The following PDE1A variants were observed in gnomAD, a reference collection of about 807,000 sequenced individuals.
PDE1A encodes the protein phosphodiesterase 1A.
In PDE1A, 35 loss-of-function variants were observed where a neutral mutation model predicts 61.7. The ratio of observed to expected loss-of-function variants is 0.57; its 90% CI spans 0.43 to 0.75. The LOEUF (loss-of-function observed/expected upper bound fraction) is 0.75, where lower values mean the gene tolerates loss of function less well. Ranked by LOEUF, PDE1A falls within the 30% of genes least tolerant of loss-of-function variation. The pLI is 0.00. For missense variants in PDE1A, 597 were observed against 630.6 expected (o/e 0.95, Z 0.57); for synonymous variants, 232 against 213.2 (o/e 1.09, Z -0.77).
At chr2:182,333,133 A>C (rs920662060) in intron 1 of PDE1A, among the ~76,000 whole-genome samples, 28 of 152,198 alleles carry the variant, frequency 1.8e-4, no homozygotes, top group Admixed American at 1.2e-3. Flanking sequence ...TAATAGTGGG[A>C]GACTTTAACA....
At chr2:182,384,825 A>G (rs143498673) in intron 1 of PDE1A, among the ~76,000 whole-genome samples, 6 of 152,268 alleles carry the variant, frequency 3.9e-5, no homozygotes, top group Non-Finnish European at 7.4e-5. Context: ...AAGGTCAAAT[A>G]TCTCCAATCA....
rs370132829 is a variant in PDE1A at position 182,393,566 on chromosome 2, G to A, written c.53+33012C>T. The stretch of plus-strand genomic sequence containing the variant: ...AGAAGATGGGTTTTTCTTTCCTATT[G>A]CATCAGACTGCAAATTTTTCAAACT... On this transcript the variant is annotated intron_variant, in intron 1 of 13. Coordinates refer to ENST00000351439, the Ensembl canonical transcript of PDE1A. Among the ~76,000 whole-genome samples the A allele has an allele frequency of 1.2e-4, 18 of 152,184 alleles. No individual in the cohort carries two copies. In the East Asian group the frequency reaches 2.3e-3, roughly 20 times the overall value.
chr2:182,554,691 C>G, the PDE1A span, among the ~76,000 whole-genome samples: 1 of 152,162 alleles, frequency 6.6e-6, no homozygotes, highest in African/African-American at 2.4e-5. Context: ...AATGCATGCA[C>G]AGCCTTCAAA....
chr2:182,346,283 CTA>C (rs1190922203), intron 1 of PDE1A, among the ~76,000 whole-genome samples: 1 of 152,058 alleles, frequency 6.6e-6, no homozygotes, highest in Non-Finnish European at 1.5e-5. Flanking sequence ...TTAGCTTATT[CTA>C]TGGTTAAAAA....
Position 182,360,861 on chromosome 2 carries a change from C to T in PDE1A, c.53+65717G>A, listed in dbSNP as rs114442555. On this transcript the variant is annotated intron_variant, in intron 1 of 13. Transcript: ENST00000351439. Reference sequence around the variant, plus strand: ...TTTAAAATATTACTTGTAAACAAGTCCTGGGTCCTCAAGTTACAAGTTATG... The same window carrying T: ...TTTAAAATATTACTTGTAAACAAGTTCTGGGTCCTCAAGTTACAAGTTATG... 3.3e-3 allele frequency among the ~76,000 whole-genome samples: 497 copies of T among 152,038 alleles called. 5 individuals carry two copies. The highest frequency in any genetic ancestry group is 0.012 in the African/African-American group (479 of 41,492).
chr2:182,488,364 A>C (rs1688160353), intron 2 of PDE1A, among the ~76,000 whole-genome samples: 1 of 152,230 alleles, frequency 6.6e-6, no homozygotes, highest in Admixed American at 6.5e-5. Context: ...CCTTCTGAAT[A>C]CACTGACTCA....
intron 1 of PDE1A, among the ~76,000 whole-genome samples, chr2:182,419,704 G>A (rs1365516138): frequency 2.0e-5 from 3 of 152,056 alleles, no homozygotes; most frequent in Non-Finnish European, 4.4e-5. Context: ...ATTTCAAGGG[G>A]CACCAGCTAG....
intron 2 of PDE1A, among the ~76,000 whole-genome samples, chr2:182,489,073 A>G (rs35196240): frequency 0.073 from 11,051 of 152,260 alleles, 1,310 homozygotes; most frequent in African/African-American, 0.25. Flanking sequence ...GCTATTTTAT[A>G]AAAAGTGGTC....
At chr2:182,163,364 C>G (rs1691489666), downstream of PDE1A, among the ~76,000 whole-genome samples, 1 of 152,180 alleles carries the variant, frequency 6.6e-6, no homozygotes, top group African/African-American at 2.4e-5. Context: ...GGTATACCAA[C>G]CCTTCAGCCC....
chr2:182,589,628 C>G, the PDE1A span, among the ~76,000 whole-genome samples: 1 of 152,134 alleles, frequency 6.6e-6, no homozygotes, highest in East Asian at 1.9e-4. Context: ...TGCAATCCCA[C>G]GAAAAATGCT....
chr2:182,597,169 AAT>A, the PDE1A span, among the ~76,000 whole-genome samples: 54 of 151,772 alleles, frequency 3.6e-4, no homozygotes, highest in African/African-American at 1.2e-3. Flanking sequence ...AAAAAAAAAA[AAT>A]TTTTTTTTTA....
the PDE1A span, among the ~76,000 whole-genome samples, chr2:182,545,915 C>T: frequency 1.3e-5 from 2 of 152,126 alleles, no homozygotes; most frequent in African/African-American, 4.8e-5. Flanking sequence ...AGAGGCCAAA[C>T]CTGTTTAGTG....
intron 1 of PDE1A, among the ~76,000 whole-genome samples, chr2:182,370,731 A>G (rs1016289904): frequency 2.2e-4 from 34 of 152,218 alleles, no homozygotes; most frequent in Admixed American, 1.6e-3. Flanking sequence ...TGTGTGTTAC[A>G]GAAGGACACA....
rs558068253 is a variant in PDE1A at position 182,328,672 on chromosome 2, C to T, written c.54-64258G>A. Among the ~76,000 whole-genome samples the T allele has an allele frequency of 5.3e-5, 8 of 152,090 alleles. No homozygotes were observed. In the South Asian group the frequency reaches 8.3e-4, roughly 16 times the overall value. On this transcript the variant is annotated intron_variant, in intron 1 of 13. Coordinates refer to ENST00000351439, the Ensembl canonical transcript of PDE1A. ...GGTTATTAGGTCTAGAGGATGACCA[C>T]GGGAGCAGGTGGTTAAGAGAGTGAG...
At chr2:182,683,935 C>T in the PDE1A span, among the ~76,000 whole-genome samples, 6 of 151,922 alleles carry the variant, frequency 3.9e-5, no homozygotes, top group African/African-American at 1.5e-4. Flanking sequence ...GCCAGACCAA[C>T]ATGGAGAAAC....
chr2:182,422,257 G>A (rs1703328399), intron 1 of PDE1A, among the ~76,000 whole-genome samples: 1 of 152,152 alleles, frequency 6.6e-6, no homozygotes, highest in Admixed American at 6.5e-5. Flanking sequence ...CCATGAAAGA[G>A]CTTCAAAAAG....
At chr2:182,712,421 C>T in the PDE1A span, among the ~76,000 whole-genome samples, 2 of 152,172 alleles carry the variant, frequency 1.3e-5, no homozygotes, top group Admixed American at 6.5e-5. Context: ...GGAGAATGTC[C>T]TTGTTTGTTA....
At chr2:182,378,085 AT>A (rs1323140219) in intron 1 of PDE1A, among the ~76,000 whole-genome samples, 5 of 152,154 alleles carry the variant, frequency 3.3e-5, no homozygotes, top group African/African-American at 1.2e-4. Flanking sequence ...TGACCTCGTG[AT>A]CCACCCGCCT....
intron 1 of PDE1A, among the ~76,000 whole-genome samples, chr2:182,305,067 T>C (rs1695489002): frequency 6.6e-6 from 1 of 152,188 alleles, no homozygotes; most frequent in Non-Finnish European, 1.5e-5. Flanking sequence ...TGAGTTTCAG[T>C]TGTCCACCAA....
Sources: allele counts gnomAD v4.1 joint callset (sites outside exome capture counted in the v4.1 genomes callset), GRCh38; gene constraint gnomAD v4.1.1; transcripts MANE v1.5; gene names NCBI Gene and HGNC (gene_info 2026-07-23, HGNC 2026-07-21).